KDM5B: variants seen among roughly 807,000 people sequenced by gnomAD.
KDM5B encodes the protein lysine-specific demethylase 5B.
Under a neutral mutation model 193.4 loss-of-function variants are expected in KDM5B, and 144 were observed. The observed-to-expected ratio is 0.74, with a 90% CI of 0.65 to 0.86. The LOEUF (loss-of-function observed/expected upper bound fraction) is 0.86, where lower values mean the gene tolerates loss of function less well. Ranked by LOEUF, KDM5B falls within the 40% of genes least tolerant of loss-of-function variation. KDM5B has a pLI of 0.00. For synonymous variants in KDM5B, 668 were observed against 682.6 expected (o/e 0.98, Z 0.33); for missense variants, 1,833 against 1,886.9 (o/e 0.97, Z 0.53).
chr1:202,790,422 T>C (rs1657601458), intron 1 of KDM5B, among the ~76,000 whole-genome samples: 1 of 151,416 alleles, frequency 6.6e-6, no homozygotes, highest in Non-Finnish European at 1.5e-5. Context: ...ACAAAACATA[T>C]TTAACACAAA....
intron 1 of KDM5B, among the ~76,000 whole-genome samples, chr1:202,804,776 G>A (rs146093142): frequency 0.022 from 3,283 of 151,612 alleles, 68 homozygotes; most frequent in Non-Finnish European, 0.034. Flanking sequence ...TTGGGAGGCC[G>A]AGGCGCATGG....
chr1:202,760,930 A>G (rs1656222055), intron 7 of KDM5B, among the ~76,000 whole-genome samples: 2 of 151,966 alleles, frequency 1.3e-5, no homozygotes, highest in Non-Finnish European at 2.9e-5. Flanking sequence ...TGGGGAATTG[A>G]GACAGGAGGA....
intron 8 of KDM5B, chr1:202,758,998 T>G (rs1017999335): frequency 9.8e-5 from 15 of 152,910 alleles, no homozygotes; most frequent in African/African-American, 3.6e-4. Flanking sequence ...TAGATCTTTG[T>G]GAGCCAATAG....
intron 6 of KDM5B, 95 bp downstream of exon 6, chr1:202,763,954 T>A (rs1255617415): frequency 3.9e-6 from 3 of 759,576 alleles, no homozygotes; most frequent in Non-Finnish European, 6.4e-6. Flanking sequence ...ACTTTTTAAT[T>A]TTTTTCTATT....
rs151121939 is a variant in KDM5B, at chr1:202,752,315, C to T, written c.1701+590G>A. On this transcript the variant is annotated intron_variant, in intron 12 of 26. Coordinates refer to ENST00000367265, the MANE Select transcript of KDM5B (RefSeq NM_006618.5). ...TTTAGATACATTTAAATACACAAATCCTTACTATTGTGTTACAGCTATCTA... is the reference window on the plus strand; with the variant it reads ...TTTAGATACATTTAAATACACAAATTCTTACTATTGTGTTACAGCTATCTA... Among the ~76,000 whole-genome samples the T allele has an allele frequency of 1.6e-3, 242 of 152,262 alleles. 2 individuals carry two copies. Among genetic ancestry groups the T allele is most frequent in the Admixed American group, 5.0e-3 (76 of 15,288 alleles).
At chr1:202,779,170 TTAA>T (rs1657089698) in intron 1 of KDM5B, among the ~76,000 whole-genome samples, 2 of 152,146 alleles carry the variant, frequency 1.3e-5, no homozygotes, top group South Asian at 4.1e-4. Context: ...TGTGAATATA[TTAA>T]TGAGGAAATT....
At chr1:202,773,066 T>G (rs879310706) in intron 4 of KDM5B, 52 bp downstream of exon 4, 1 of 1,232,068 alleles carries the variant, frequency 8.1e-7, no homozygotes, top group East Asian at 2.3e-5. Context: ...GAAAAGACAA[T>G]GTACCAATAA....
At chr1:202,762,677 G>T in intron 7 of KDM5B, 22 bp downstream of exon 7, 1 of 1,304,478 alleles carries the variant, frequency 7.7e-7, no homozygotes, top group Non-Finnish European at 1.1e-6. Context: ...AAAGAAAAAG[G>T]AGAAAGGGAG....
intron 1 of KDM5B, among the ~76,000 whole-genome samples, chr1:202,804,235 G>A (rs1293297821): frequency 7.3e-6 from 1 of 137,868 alleles, no homozygotes; most frequent in Non-Finnish European, 1.6e-5. Context: ...TGAATTGTAT[G>A]GTATATTTCA....
chr1:202,797,910 G>A (rs1467063829), intron 1 of KDM5B, among the ~76,000 whole-genome samples: 1 of 152,212 alleles, frequency 6.6e-6, no homozygotes, highest in Admixed American at 6.5e-5. Context: ...TTAGGGACAG[G>A]CCGGGCATAG....
At chr1:202,797,913 G>A (rs916851006) in intron 1 of KDM5B, among the ~76,000 whole-genome samples, 13 of 152,192 alleles carry the variant, frequency 8.5e-5, no homozygotes, top group African/African-American at 1.7e-4. Context: ...GGGACAGGCC[G>A]GGCATAGTGG....
chr1:202,759,681 A>C (rs1453079805), intron 8 of KDM5B, among the ~76,000 whole-genome samples: 1 of 152,202 alleles, frequency 6.6e-6, no homozygotes, highest in Non-Finnish European at 1.5e-5. Context: ...AAATGAAAAA[A>C]GCAGATTACT....
intron 13 of KDM5B, 114 bp downstream of exon 13, chr1:202,750,545 G>A: frequency 8.7e-7 from 1 of 1,145,374 alleles, no homozygotes; most frequent in Non-Finnish European, 1.2e-6. Context: ...AAAGCGCTGG[G>A]ATTATAGGCA....
rs921338211 is a variant in KDM5B, at chr1:202,725,375, C to G, written c.*3661G>C. On this transcript the variant is annotated 3_prime_UTR_variant, in exon 27 of 27. Transcript: ENST00000367265. ...ACTTTATACAAATTCCTACTTTATA[C>G]AATTTTTTGTTTAGGCAGCTTTTCA... The G allele has an allele frequency of 1.3e-5, 2 of 152,162 alleles. No homozygotes were observed. The highest frequency in any genetic ancestry group is 1.3e-4 in the Admixed American group (2 of 15,272). 9.4% of individuals were successfully genotyped at this position (152,162 alleles called of 1,614,324 possible).
At chr1:202,769,601 G>A (rs1048897360) in intron 4 of KDM5B, among the ~76,000 whole-genome samples, 10 of 148,044 alleles carry the variant, frequency 6.8e-5, no homozygotes, top group Admixed American at 2.7e-4. Context: ...CCAGGGTGGC[G>A]GATGTTGCAA....
chr1:202,731,122 T>C, intron 24 of KDM5B, 59 bp from the exon 25 acceptor site: 3 of 1,450,004 alleles, frequency 2.1e-6, no homozygotes, highest in South Asian at 1.4e-5. Flanking sequence ...ACATTCACAT[T>C]TGGGTTTATG....
chr1:202,752,984 A>C lies in KDM5B; in HGVS notation c.1622T>G (p.Leu541Arg). The C allele has an allele frequency of 6.2e-7, 1 of 1,614,106 alleles. No homozygotes were observed. The part of the protein sequence containing the change: ...ENVMKKLAPE[L>R]FVSQPDLLHQ... ...GAGGAGATCCGGCTGGGACACAAAG[A>C]GTTCTGGAGCTAGTTTCTTCATTAC... is the stretch of plus-strand genomic sequence containing the variant. Residue 541 changes from leucine (L) to arginine (R), a missense_variant, in exon 12 of 27, where the codon CTC becomes CGC. By Grantham distance (102) the Leu-to-Arg change is moderately radical. This residue lies in a region of KDM5B where 1,379 missense variants were observed against 1,349.6 expected (regional missense o/e 1.02). Transcript: ENST00000367265.
intron 1 of KDM5B, among the ~76,000 whole-genome samples, chr1:202,794,572 G>A (rs980352539): frequency 6.6e-6 from 1 of 152,176 alleles, no homozygotes; most frequent in Middle Eastern, 3.2e-3. Context: ...TCTTAGCCTA[G>A]CTATCTACTC....
intron 1 of KDM5B, among the ~76,000 whole-genome samples, chr1:202,804,477 A>G (rs1023407428): frequency 1.2e-4 from 18 of 152,320 alleles, no homozygotes; most frequent in African/African-American, 3.9e-4. Flanking sequence ...TGAGCTCCAT[A>G]TCATTAACAC....
Sources: gnomAD v4.1 joint callset for allele counts (sites outside exome capture counted in the v4.1 genomes callset) on GRCh38, gnomAD v4.1.1 for gene constraint, gnomAD v4.1.1 regional missense constraint, MANE v1.5 for transcripts, NCBI Gene and HGNC (gene_info 2026-07-23, HGNC 2026-07-21) for gene names.